Variants in LDB2 observed in about 807,000 individuals in gnomAD.
The protein encoded by LDB2 is LIM domain-binding protein 2.
In LDB2, 12 loss-of-function variants were observed where a neutral mutation model predicts 44.3. The observed-to-expected ratio is 0.27, with a 90% CI of 0.17 to 0.44. The LOEUF (loss-of-function observed/expected upper bound fraction) is 0.44. Ranked by LOEUF, LDB2 falls within the 20% of genes least tolerant of loss-of-function variation. The probability of loss-of-function intolerance (pLI) is 1.00; values close to 1 mark genes in which losing one functional copy is unlikely to be tolerated. For missense variants in LDB2, 344 were observed against 473.5 expected (o/e 0.73, Z 2.54); for synonymous variants, 164 against 174.8 (o/e 0.94, Z 0.49).
chr4:16,883,297 C>G (rs971295106), intron 1 of LDB2, among the ~76,000 whole-genome samples: 1 of 152,198 alleles, frequency 6.6e-6, no homozygotes, highest in Non-Finnish European at 1.5e-5. Flanking sequence ...TAGACTGCGG[C>G]TGAAGAGAGA....
chr4:16,525,884 T>C (rs944101437), intron 5 of LDB2, among the ~76,000 whole-genome samples: 2 of 152,146 alleles, frequency 1.3e-5, no homozygotes, highest in East Asian at 3.9e-4. Flanking sequence ...TGCAGAGATA[T>C]CCACATTCTA....
chr4:16,682,941 T>C (rs541032239), intron 2 of LDB2, among the ~76,000 whole-genome samples: 3 of 152,362 alleles, frequency 2.0e-5, no homozygotes, highest in Non-Finnish European at 4.4e-5. Flanking sequence ...CATTTTGACA[T>C]ACAGGATTTT....
chr4:16,754,365 G>A (rs1165443023), intron 2 of LDB2, among the ~76,000 whole-genome samples: 1 of 152,204 alleles, frequency 6.6e-6, no homozygotes, highest in Admixed American at 6.5e-5. Context: ...CACTTGATAA[G>A]TCCTGCCCAG....
At chr4:16,708,110 T>C (rs1755018412) in intron 2 of LDB2, among the ~76,000 whole-genome samples, 2 of 152,232 alleles carry the variant, frequency 1.3e-5, no homozygotes, top group South Asian at 4.2e-4. Flanking sequence ...TGGTAATTCA[T>C]CTTTCACTGA....
At chr4:16,552,623 G>T (rs1738077955) in intron 5 of LDB2, among the ~76,000 whole-genome samples, 1 of 152,070 alleles carries the variant, frequency 6.6e-6, no homozygotes. Flanking sequence ...CTGTTTTTAA[G>T]ATGATGATTT....
intron 2 of LDB2, among the ~76,000 whole-genome samples, chr4:16,610,590 C>T (rs1231868375): frequency 6.6e-6 from 1 of 151,140 alleles, no homozygotes; most frequent in Non-Finnish European, 1.5e-5. Context: ...ACAGCCAAAT[C>T]GAACAAGTGG....
At chr4:16,768,752 A>G (rs183381218) in intron 1 of LDB2, among the ~76,000 whole-genome samples, 1 of 152,270 alleles carries the variant, frequency 6.6e-6, no homozygotes, top group African/African-American at 2.4e-5. Flanking sequence ...ATAATAGTCA[A>G]CAGTTACAAG....
At chr4:16,714,497 T>C (rs1281297506) in intron 2 of LDB2, among the ~76,000 whole-genome samples, 1 of 152,014 alleles carries the variant, frequency 6.6e-6, no homozygotes, top group South Asian at 2.1e-4. Flanking sequence ...ATCACCCCTC[T>C]GGGAAAAAAA....
At chr4:16,593,022 C>G (rs1719660603) in intron 3 of LDB2, among the ~76,000 whole-genome samples, 2 of 152,006 alleles carry the variant, frequency 1.3e-5, no homozygotes, top group Admixed American at 6.6e-5. Flanking sequence ...ATTCTAATTA[C>G]ACATTTATCC....
At chr4:16,881,788 T>C (rs746216532) in intron 1 of LDB2, among the ~76,000 whole-genome samples, 1 of 152,172 alleles carries the variant, frequency 6.6e-6, no homozygotes, top group Non-Finnish European at 1.5e-5. Context: ...AGCTGCTCTT[T>C]TTTTCTTTCT....
intron 2 of LDB2, among the ~76,000 whole-genome samples, chr4:16,682,979 A>G (rs912488072): frequency 6.6e-5 from 10 of 152,246 alleles, no homozygotes; most frequent in Non-Finnish European, 1.3e-4. Flanking sequence ...ACTCTGGGAC[A>G]TGTCCTTTAA....
intron 1 of LDB2, among the ~76,000 whole-genome samples, chr4:16,798,467 T>C (rs1777155866): frequency 6.6e-6 from 1 of 152,064 alleles, no homozygotes; most frequent in Admixed American, 6.5e-5. Context: ...AGAGAAAAAA[T>C]AAATGCATGG....
At chr4:16,604,090 A>T (rs73128994) in intron 2 of LDB2, among the ~76,000 whole-genome samples, 197 of 152,256 alleles carry the variant, frequency 1.3e-3, no homozygotes, top group African/African-American at 4.5e-3. Context: ...TGGCCTCAGT[A>T]GATCCTCCTG....
intron 2 of LDB2, among the ~76,000 whole-genome samples, chr4:16,755,203 AG>A (rs1326958752): frequency 6.6e-6 from 1 of 152,160 alleles, no homozygotes; most frequent in African/African-American, 2.4e-5. Flanking sequence ...TCCTAAAAGG[AG>A]CAAAGGGAAA....
chr4:16,723,796 C>T (rs1758834583), intron 2 of LDB2, among the ~76,000 whole-genome samples: 2 of 152,054 alleles, frequency 1.3e-5, no homozygotes, highest in African/African-American at 4.8e-5. Context: ...TGCTTTAGAT[C>T]CCTGCTAAAA....
chr4:16,830,497 T>C (rs535656407), intron 1 of LDB2, among the ~76,000 whole-genome samples: 1 of 152,368 alleles, frequency 6.6e-6, no homozygotes, highest in African/African-American at 2.4e-5. Flanking sequence ...AGTATCTTTA[T>C]AGCAGTGTAA....
At chr4:16,761,734 G>C (rs1274951192) in intron 1 of LDB2, among the ~76,000 whole-genome samples, 1 of 152,190 alleles carries the variant, frequency 6.6e-6, no homozygotes, top group Non-Finnish European at 1.5e-5. Flanking sequence ...ATCTGCAGGA[G>C]AGCACCCCAA....
chr4:16,730,337 T>C (rs1760474128), intron 2 of LDB2, among the ~76,000 whole-genome samples: 1 of 152,260 alleles, frequency 6.6e-6, no homozygotes, highest in South Asian at 2.1e-4. Context: ...CGACTTTGTA[T>C]TGTCTGGTCT....
intron 5 of LDB2, among the ~76,000 whole-genome samples, chr4:16,578,561 C>G (rs1396433611): frequency 6.6e-6 from 1 of 152,060 alleles, no homozygotes; most frequent in Non-Finnish European, 1.5e-5. Context: ...ATAACAAATG[C>G]TGGTGAGGAT....
Sources: gnomAD v4.1 joint callset for allele counts (sites outside exome capture counted in the v4.1 genomes callset) on GRCh38, gnomAD v4.1.1 for gene constraint, MANE v1.5 for transcripts, NCBI Gene and HGNC (gene_info 2026-07-23, HGNC 2026-07-21) for gene names.